Variants in KCNH8 observed in about 807,000 individuals in gnomAD.
KCNH8 encodes the protein potassium voltage-gated channel subfamily H member 8.
In KCNH8, 70 loss-of-function variants were observed where a neutral mutation model predicts 103.6. The observed-to-expected ratio is 0.68, with a 90% confidence interval of 0.56 to 0.82. The LOEUF (loss-of-function observed/expected upper bound fraction) is 0.82. Ranked by LOEUF, KCNH8 falls within the 40% of genes least tolerant of loss-of-function variation. The pLI is 0.00. For missense variants in KCNH8, 1,217 were observed against 1,329.9 expected (o/e 0.92, Z 1.32); for synonymous variants, 498 against 489.4 (o/e 1.02, Z -0.23).
intron 11 of KCNH8, among the ~76,000 whole-genome samples, chr3:19,475,151 C>T (rs193110172): frequency 2.0e-5 from 3 of 152,232 alleles, no homozygotes; most frequent in Admixed American, 2.0e-4. Flanking sequence ...TGTAAATATT[C>T]ATTGAGGCAT....
chr3:19,233,165 G>T (rs1444521293), intron 1 of KCNH8, among the ~76,000 whole-genome samples: 1 of 144,270 alleles, frequency 6.9e-6, no homozygotes, highest in Non-Finnish European at 1.5e-5. Flanking sequence ...ACTTTGATTT[G>T]ATCTTATTGC....
In KCNH8 at chr3:19,167,617, C is replaced by T. The variant is rs75949533; in HGVS notation, c.76+18822C>T. On this transcript the variant is annotated intron_variant, in intron 1 of 15. Coordinates refer to ENST00000328405, the MANE Select transcript of KCNH8 (RefSeq NM_144633.3). ...TTTATTAATGAAAATACTTAAGGCA[C>T]GAGAATCGTAAAAGTGAATGGCAAT... is the stretch of plus-strand genomic sequence containing the variant. Among the ~76,000 whole-genome samples the T allele has an allele frequency of 8.8e-3, 1,343 of 152,176 alleles. 16 individuals carry two copies. The highest frequency in any genetic ancestry group is 0.029 in the African/African-American group (1,184 of 41,520).
chr3:19,517,914 T>C, intron 14 of KCNH8, 84 bp from the exon 15 acceptor site: 6 of 1,123,918 alleles, frequency 5.3e-6, no homozygotes, highest in South Asian at 2.6e-5. Flanking sequence ...TAGCGTGGAC[T>C]TTCTTTCATA....
chr3:19,353,291 T>C (rs565647485), intron 5 of KCNH8, among the ~76,000 whole-genome samples: 1 of 152,200 alleles, frequency 6.6e-6, no homozygotes, highest in Admixed American at 6.5e-5. Context: ...CACAGCCGAA[T>C]TCTACCAGAG....
At chr3:19,425,133 A>G (rs2067009507) in intron 7 of KCNH8, among the ~76,000 whole-genome samples, 1 of 152,236 alleles carries the variant, frequency 6.6e-6, no homozygotes, top group Non-Finnish European at 1.5e-5. Flanking sequence ...TATACTTCAC[A>G]TGACTTCCCG....
chr3:19,509,622 T>C (rs2068750199), intron 11 of KCNH8, among the ~76,000 whole-genome samples: 1 of 152,212 alleles, frequency 6.6e-6, no homozygotes, highest in South Asian at 2.1e-4. Flanking sequence ...ATAAGATATA[T>C]ATTTTTCCCC....
At chr3:19,419,467 T>C (rs2066919095) in intron 7 of KCNH8, among the ~76,000 whole-genome samples, 1 of 152,100 alleles carries the variant, frequency 6.6e-6, no homozygotes, top group Non-Finnish European at 1.5e-5. Context: ...CCCAAAGTGC[T>C]GGGATTACAG....
At position 19,535,363 on chromosome 3, in the gene KCNH8, A is replaced by C. The variant is rs972522409; in HGVS notation, c.*1264A>C. 1 of 152,198 alleles carries C rather than the reference A, an allele frequency of 6.6e-6. No individual in the cohort carries two copies. Among genetic ancestry groups the C allele is most frequent in the African/African-American group, 2.4e-5 (1 of 41,448 alleles). The allele number at this position is 152,198 out of a possible 1,614,324, so 9.4% of individuals were successfully genotyped here. On this transcript the variant is annotated 3_prime_UTR_variant, in exon 16 of 16. Coordinates refer to ENST00000328405, the MANE Select transcript of KCNH8 (RefSeq NM_144633.3). ...GTTGTTTCCATTCCTATTTTTAATA[A>C]ATCTCAGGGGAAGCCTCAGAGATTA...
intron 5 of KCNH8, among the ~76,000 whole-genome samples, chr3:19,377,801 C>G (rs2125122267): frequency 6.6e-6 from 1 of 152,262 alleles, no homozygotes; most frequent in East Asian, 1.9e-4. Flanking sequence ...ATTGGATTTT[C>G]AAGACCAACC....
intron 5 of KCNH8, among the ~76,000 whole-genome samples, chr3:19,375,744 C>G (rs1574986184): frequency 6.6e-6 from 1 of 151,384 alleles, no homozygotes. Flanking sequence ...GTTTTATCTA[C>G]TTTTGGTCTT....
intron 11 of KCNH8, among the ~76,000 whole-genome samples, chr3:19,505,103 A>C (rs1266864226): frequency 6.7e-6 from 1 of 149,110 alleles, no homozygotes; most frequent in African/African-American, 2.5e-5. Flanking sequence ...ACACACACAC[A>C]CCATGGAATA....
At chr3:19,249,279 C>A (rs1184849434) in intron 1 of KCNH8, among the ~76,000 whole-genome samples, 1 of 152,112 alleles carries the variant, frequency 6.6e-6, no homozygotes, top group African/African-American at 2.4e-5. Flanking sequence ...GCATGTGTTT[C>A]CAAGTAGATA....
intron 3 of KCNH8, among the ~76,000 whole-genome samples, chr3:19,311,924 G>C (rs1270046895): frequency 6.6e-6 from 1 of 151,868 alleles, no homozygotes; most frequent in Non-Finnish European, 1.5e-5. Context: ...TAGATTTTCT[G>C]TCAATTGTTG....
At chr3:19,533,251 A>C in intron 15 of KCNH8, 144 bp from the exon 16 acceptor site, 1 of 627,060 alleles carries the variant, frequency 1.6e-6, no homozygotes, top group Non-Finnish European at 2.7e-6. Flanking sequence ...TTTTTCACCA[A>C]GCAAATGCTA....
intron 14 of KCNH8, 85 bp downstream of exon 14, chr3:19,515,513 C>A: frequency 2.0e-6 from 1 of 500,704 alleles, no homozygotes; most frequent in Non-Finnish European, 3.3e-6. Flanking sequence ...TTTTTTTTTG[C>A]TTTCCTGTCC....
At chr3:19,187,300 T>G (rs1175950791) in intron 1 of KCNH8, among the ~76,000 whole-genome samples, 1 of 151,988 alleles carries the variant, frequency 6.6e-6, no homozygotes, top group Admixed American at 6.6e-5. Context: ...TTGTTACATA[T>G]GTACATAGTA....
At chr3:19,199,679 T>A (rs1302105330) in intron 1 of KCNH8, among the ~76,000 whole-genome samples, 1 of 151,518 alleles carries the variant, frequency 6.6e-6, no homozygotes, top group Admixed American at 6.6e-5. Flanking sequence ...AATGAGTACC[T>A]AAATTTTCTA....
chr3:19,429,537 A>G (rs920040241), intron 7 of KCNH8, among the ~76,000 whole-genome samples: 1 of 152,106 alleles, frequency 6.6e-6, no homozygotes, highest in African/African-American at 2.4e-5. Context: ...AGACTTGGAC[A>G]TTTCCTAGAA....
chr3:19,522,161 A>G (rs888315604), intron 15 of KCNH8, among the ~76,000 whole-genome samples: 1 of 151,892 alleles, frequency 6.6e-6, no homozygotes, highest in Non-Finnish European at 1.5e-5. Context: ...AATGTGTAAC[A>G]TGCCTAAACA....
Sources: gnomAD v4.1 joint callset for allele counts (sites outside exome capture counted in the v4.1 genomes callset) on GRCh38, gnomAD v4.1.1 for gene constraint, MANE v1.5 for transcripts, NCBI Gene and HGNC (gene_info 2026-07-23, HGNC 2026-07-21) for gene names.